ALG14: variants seen among roughly 807,000 people sequenced by gnomAD.
ALG14 encodes the protein ALG14 UDP-N-acetylglucosaminyltransferase subunit, also known as UDP-N-acetylglucosamine transferase subunit ALG14.
In ALG14, 17 loss-of-function variants were observed where a neutral mutation model predicts 22.8. The observed-to-expected ratio is 0.75, with a 90% CI of 0.51 to 1.12. The LOEUF is 1.12. Ranked by LOEUF, ALG14 falls within the 50% of genes most tolerant of loss-of-function variation. The probability of loss-of-function intolerance (pLI) is 0.00; values close to 1 mark genes in which losing one functional copy is unlikely to be tolerated. For synonymous variants in ALG14, 89 were observed against 103.7 expected (o/e 0.86, Z 0.86); for missense variants, 288 against 271.8 (o/e 1.06, Z -0.42).
intron 2 of ALG14, among the ~76,000 whole-genome samples, chr1:95,030,566 G>T (rs1456414957): frequency 6.6e-6 from 1 of 152,024 alleles, no homozygotes; most frequent in Non-Finnish European, 1.5e-5. Context: ...ATTTTGTTAA[G>T]GCTGTGAGCA....
At position 95,007,111 on chromosome 1, in the gene ALG14, C is replaced by T. The variant is rs1448820282; in HGVS notation, c.420+20018G>A. 2.0e-5 allele frequency among the ~76,000 whole-genome samples: 3 copies of T among 152,174 alleles called. No homozygotes were observed. The South Asian group carries it at 6.2e-4, about 32-fold the overall frequency. On this transcript the variant is annotated intron_variant, in intron 3 of 3. Transcript: ENST00000370205. ...TGGGGATGGTCTGTCTTAACAATCACCGTACTGCCAGTATTGAAAAATTTC... is the reference window on the plus strand; with the variant it reads ...TGGGGATGGTCTGTCTTAACAATCATCGTACTGCCAGTATTGAAAAATTTC...
intron 2 of ALG14, 116 bp from the exon 3 acceptor site, chr1:95,027,376 T>C: frequency 8.1e-7 from 1 of 1,230,464 alleles, no homozygotes; most frequent in Non-Finnish European, 1.1e-6. Flanking sequence ...ATTTTCATTC[T>C]AACCACTTTT....
intron 1 of ALG14, among the ~76,000 whole-genome samples, chr1:95,066,039 T>C (rs374007396): frequency 1.1e-4 from 16 of 152,186 alleles, no homozygotes; most frequent in African/African-American, 3.6e-4. Flanking sequence ...GGTTGATGTC[T>C]TCAACATTCT....
At position 94,974,638 on chromosome 1, in the gene ALG14, C is replaced by T. The variant is rs1672361113; in HGVS notation, c.*8438G>A. On this transcript the variant is annotated 3_prime_UTR_variant, in exon 4 of 4. Transcript: ENST00000370205. ...AATACATCTTCTGCCTTTTGCCTGG[C>T]AGGCAAAAAATTTCTTCCTCTTTTA... 6.6e-6 allele frequency: 1 copy of T among 152,158 alleles called. No homozygotes were observed. Among genetic ancestry groups the T allele is most frequent in the African/African-American group, 2.4e-5 (1 of 41,442 alleles). The allele number at this position is 152,158 out of a possible 1,614,324, so 9.4% of individuals were successfully genotyped here.
Position 95,016,942 on chromosome 1 carries a change from GGTGTGTGTGTGTGTGTGTGTGTGT to G in ALG14, c.420+10163_420+10186del, listed in dbSNP as rs55962309. Among the ~76,000 whole-genome samples the G allele has an allele frequency of 3.0e-4, 39 of 129,362 alleles. 1 individual carries two copies. Among genetic ancestry groups the G allele is most frequent in the South Asian group, 8.5e-4 (3 of 3,542 alleles). 84.9% of individuals were successfully genotyped at this position (129,362 alleles called of 152,430 possible). A position where few individuals can be genotyped will look rare whatever the true frequency, so the allele number is the denominator to read the frequency against. On this transcript the variant is annotated intron_variant, in intron 3 of 3. Coordinates refer to ENST00000370205, the MANE Select transcript of ALG14 (RefSeq NM_144988.4). ...CCAGCCCTTGCAATTTTGCAAAAGG[GGTGTGTGTGTGTGTGTGTGTGTGT>G]GTGTGTGTGTGTGTGTGTGTGTGTG... is the stretch of plus-strand genomic sequence containing the variant.
At chr1:95,063,684 GC>G (rs1374485360) in intron 2 of ALG14, among the ~76,000 whole-genome samples, 1 of 152,176 alleles carries the variant, frequency 6.6e-6, no homozygotes, top group Non-Finnish European at 1.5e-5. Context: ...GGTTACTGTA[GC>G]CTTGTAGTAT....
chr1:95,053,936 T>C (rs1310037752), intron 2 of ALG14, among the ~76,000 whole-genome samples: 1 of 152,306 alleles, frequency 6.6e-6, no homozygotes, highest in African/African-American at 2.4e-5. Flanking sequence ...AAGGAACTTC[T>C]TTTACAAGAA....
intron 3 of ALG14, among the ~76,000 whole-genome samples, chr1:95,003,425 T>C (rs1224610560): frequency 2.6e-5 from 4 of 151,826 alleles, no homozygotes; most frequent in Non-Finnish European, 5.9e-5. Flanking sequence ...TGTTATATTA[T>C]TGTTCTAGAA....
rs879358150 is a variant in ALG14, at chr1:94,980,628, C to T, written c.*2448G>A. On this transcript the variant is annotated 3_prime_UTR_variant, in exon 4 of 4. Transcript: ENST00000370205. ...ACAGCAGGGAAATTGTGCCACCAGC[C>T]CCCTCTGCTAATGGGACCTTGAGGA... The T allele has an allele frequency of 1.3e-5, 2 of 152,112 alleles. No individual in the cohort carries two copies. Among genetic ancestry groups the T allele is most frequent in the Admixed American group, 6.6e-5 (1 of 15,256 alleles). 9.4% of individuals were successfully genotyped at this position (152,112 alleles called of 1,614,324 possible).
chr1:95,029,237 G>A (rs1233533201), intron 2 of ALG14, among the ~76,000 whole-genome samples: 2 of 152,160 alleles, frequency 1.3e-5, no homozygotes, highest in Non-Finnish European at 2.9e-5. Context: ...CTGATTGCTG[G>A]TTGGTGTCCT....
At chr1:95,046,099 G>A (rs1006099617) in intron 2 of ALG14, among the ~76,000 whole-genome samples, 5 of 151,662 alleles carry the variant, frequency 3.3e-5, no homozygotes, top group Admixed American at 6.6e-5. Flanking sequence ...TATGAATAGA[G>A]GGCATAGTGG....
At chr1:95,050,480 T>C (rs1348584931) in intron 2 of ALG14, among the ~76,000 whole-genome samples, 1 of 152,206 alleles carries the variant, frequency 6.6e-6, no homozygotes, top group Non-Finnish European at 1.5e-5. Flanking sequence ...TCTGATAGAA[T>C]AGCAATATAA....
intron 2 of ALG14, among the ~76,000 whole-genome samples, chr1:95,049,568 C>T (rs6687388): frequency 0.35 from 52,864 of 151,652 alleles, 10,508 homozygotes; most frequent in Middle Eastern, 0.45. Context: ...AAAATAAGGG[C>T]CAGGCAAAAA....
chr1:94,982,699 C>CAAAAAAAAAAAA lies in ALG14; in HGVS notation c.*365_*376dup, dbSNP rs368855559. 7.5e-5 allele frequency: 6 copies of CAAAAAAAAAAAA among 79,474 alleles called. No homozygotes were observed. The highest frequency in any genetic ancestry group is 1.0e-3 in the East Asian group (2 of 1,986). 4.9% of individuals were successfully genotyped at this position (79,474 alleles called of 1,614,324 possible). On this transcript the variant is annotated 3_prime_UTR_variant, in exon 4 of 4. Transcript: ENST00000370205. ...TTCTTTTACAATGCAGAATACTTTA[C>CAAAAAAAAAAAA]AAAAAAAAAAAAAAAAAAAAAAAGC...
At chr1:94,988,043 G>T (rs899900587) in intron 3 of ALG14, among the ~76,000 whole-genome samples, 16 of 152,182 alleles carry the variant, frequency 1.1e-4, no homozygotes, top group Non-Finnish European at 1.6e-4. Flanking sequence ...GAGCTCCTGG[G>T]GCCATGGATG....
chr1:95,022,451 AC>A, intron 3 of ALG14: 1 of 785,210 alleles, frequency 1.3e-6, no homozygotes, highest in African/African-American at 1.9e-5. Flanking sequence ...GTGGACTCTG[AC>A]CATCATCAGA....
chr1:95,028,931 AGT>A, intron 2 of ALG14, among the ~76,000 whole-genome samples: 1 of 152,358 alleles, frequency 6.6e-6, no homozygotes, highest in Non-Finnish European at 1.5e-5. Flanking sequence ...GCAACAAGAA[AGT>A]GATATTTTCA....
Position 95,004,141 on chromosome 1 carries a change from G to T in ALG14, c.421-20835C>A, listed in dbSNP as rs572075649. On this transcript the variant is annotated intron_variant, in intron 3 of 3. Transcript: ENST00000370205. ...GGGGCTTTGAAAGATTAAGGACTTT[G>T]CCCAAGACCAGAGGACTACTAAATT... Among the ~76,000 whole-genome samples the T allele has an allele frequency of 2.0e-5, 3 of 151,630 alleles. No homozygotes were observed. In the South Asian group the frequency reaches 6.3e-4, roughly 32 times the overall value.
chr1:95,047,727 C>T (rs866508028), intron 2 of ALG14, among the ~76,000 whole-genome samples: 21 of 152,244 alleles, frequency 1.4e-4, no homozygotes, highest in Middle Eastern at 6.8e-3. Context: ...CGCCTGTAAT[C>T]CCAGAGCTTC....
Sources: gnomAD v4.1 joint callset for allele counts (sites outside exome capture counted in the v4.1 genomes callset) on GRCh38, gnomAD v4.1.1 for gene constraint, MANE v1.5 for transcripts, NCBI Gene and HGNC (gene_info 2026-07-23, HGNC 2026-07-21) for gene names.